DYRK2: variants seen among roughly 807,000 people sequenced by gnomAD.
The protein encoded by DYRK2 is dual specificity tyrosine-phosphorylation-regulated kinase 2.
In DYRK2, 12 loss-of-function variants were observed where a neutral mutation model predicts 41.6. That is an observed-to-expected ratio of 0.29 (90% CI 0.18 to 0.47). The LOEUF (loss-of-function observed/expected upper bound fraction) is 0.47. Ranked by LOEUF, DYRK2 falls within the 20% of genes least tolerant of loss-of-function variation. The pLI is 1.00. For synonymous variants in DYRK2, 322 were observed against 315.7 expected (o/e 1.02, Z -0.21); for missense variants, 678 against 798.4 (o/e 0.85, Z 1.82).
chr12:67,649,208 C>A (rs1271043322), intron 1 of DYRK2, 26 bp downstream of exon 1: 1 of 1,477,064 alleles, frequency 6.8e-7, no homozygotes. Context: ...CGCCGCGCCG[C>A]ATCCCCGGAC....
At chr12:67,655,558 A>G (rs1872443852) in intron 2 of DYRK2, among the ~76,000 whole-genome samples, 1 of 152,206 alleles carries the variant, frequency 6.6e-6, no homozygotes, top group Non-Finnish European at 1.5e-5. Flanking sequence ...ATGGAGTATC[A>G]TCTATGAGTG....
rs1168326064 is a variant in DYRK2, at chr12:67,664,807, A to T, written c.*6094A>T. On this transcript the variant is annotated 3_prime_UTR_variant, in exon 3 of 3. Coordinates refer to ENST00000344096, the MANE Select transcript of DYRK2 (RefSeq NM_006482.3). ...TCGTAGTGTCTAAGTGCACCTAATA[A>T]CTTAATGCATGTGCACACACCCTCA... 2 of 152,174 alleles carry T rather than the reference A, an allele frequency of 1.3e-5. No individual in the cohort carries two copies. The highest frequency in any genetic ancestry group is 2.9e-5 in the Non-Finnish European group (2 of 68,014). The allele number at this position is 152,174 out of a possible 1,614,324, so 9.4% of individuals were successfully genotyped here. A position where few individuals can be genotyped will look rare whatever the true frequency, so the allele number is the denominator to read the frequency against.
rs1872564195 is a variant in DYRK2, at chr12:67,659,220, T to A, written c.*507T>A. ...GGGAGGAGAACGGTCAGAATCAAAG[T>A]GACATTCTAAGAAAAACTGTACCTT... is the stretch of plus-strand genomic sequence containing the variant. On this transcript the variant is annotated 3_prime_UTR_variant, in exon 3 of 3. Coordinates refer to ENST00000344096, the MANE Select transcript of DYRK2 (RefSeq NM_006482.3). The A allele has an allele frequency of 6.0e-6, 1 of 167,208 alleles. No individual in the cohort carries two copies. The highest frequency in any genetic ancestry group is 2.4e-5 in the African/African-American group (1 of 41,454). 10.4% of individuals were successfully genotyped at this position (167,208 alleles called of 1,614,324 possible).
intron 2 of DYRK2, 115 bp from the exon 3 acceptor site, chr12:67,656,991 C>T (rs1159510585): frequency 2.6e-6 from 3 of 1,167,498 alleles, no homozygotes; most frequent in African/African-American, 3.2e-5. Flanking sequence ...TTACTCAAAC[C>T]AAATGGGATT....
chr12:67,657,229 C>G lies in DYRK2; in HGVS notation c.322C>G (p.Pro108Ala). Residue 108 changes from proline to alanine, a missense_variant, in exon 3 of 3, where the codon CCA becomes GCA. This residue lies in a region of DYRK2 where 285 missense variants were observed against 279.2 expected (regional missense o/e 1.02). Transcript: ENST00000344096. This position sits in a 1 kb window ranked among gnomAD's most constrained non-coding sequence, Gnocchi z 4.8. ...CAAGCGGACAGTGCTCACGACACAA[C>G]CAAATGGGCTTACAACAGTGGGCAA... ...SNKRTVLTTQPNGLTTVGKTG... is the reference protein window; with the variant it reads ...SNKRTVLTTQANGLTTVGKTG... 1 of 1,614,126 alleles carries G rather than the reference C, an allele frequency of 6.2e-7. No individual in the cohort carries two copies. Among genetic ancestry groups the G allele is most frequent in the Non-Finnish European group, 8.5e-7 (1 of 1,180,028 alleles).
intron 2 of DYRK2, among the ~76,000 whole-genome samples, chr12:67,653,461 G>A (rs3782395): frequency 0.29 from 44,505 of 151,778 alleles, 7,343 homozygotes; most frequent in Admixed American, 0.35. Flanking sequence ...AAGCTTTTAA[G>A]ATTGCATGTG....
chr12:67,655,233 CT>C (rs1482299496), intron 2 of DYRK2, among the ~76,000 whole-genome samples: 1 of 152,128 alleles, frequency 6.6e-6, no homozygotes, highest in African/African-American at 2.4e-5. Context: ...GAGCTTTATG[CT>C]TTTTATAGCA....
intron 2 of DYRK2, among the ~76,000 whole-genome samples, chr12:67,654,206 T>C (rs1378109456): frequency 1.3e-5 from 2 of 151,746 alleles, no homozygotes; most frequent in Non-Finnish European, 2.9e-5. Flanking sequence ...AGCAGAGGAG[T>C]GTAAAAGTGT....
In DYRK2 at chr12:67,657,091, C is replaced by T. The variant is rs765786973; in HGVS notation, c.199-15C>T. 2.0e-6 allele frequency: 3 copies of T among 1,532,990 alleles called. No individual in the cohort carries two copies. Among genetic ancestry groups the T allele is most frequent in the South Asian group, 2.6e-5 (2 of 77,156 alleles). 95.0% of individuals were successfully genotyped at this position (1,532,990 alleles called of 1,614,324 possible). A position where few individuals can be genotyped will look rare whatever the true frequency, so the allele number is the denominator to read the frequency against. On this transcript the variant is annotated splice_polypyrimidine_tract_variant and intron_variant, in intron 2 of 2. Transcript: ENST00000344096. The surrounding 1 kb of genome is among the most constrained non-coding windows in gnomAD (Gnocchi z 4.8). ...ACCACTTCTTTTCTATTTATATTTCCTGTCTGAATTCCAGATTGGCGGCAG... is the reference window on the plus strand; with the variant it reads ...ACCACTTCTTTTCTATTTATATTTCTTGTCTGAATTCCAGATTGGCGGCAG...
chr12:67,663,783 G>A lies in DYRK2; in HGVS notation c.*5070G>A, dbSNP rs897402054. On this transcript the variant is annotated 3_prime_UTR_variant, in exon 3 of 3. Transcript: ENST00000344096. ...TCCTTTTATCAGATCTTTCAAAAGC[G>A]CTTTTTAAAATTGATCAATGTGCAA... The A allele has an allele frequency of 3.9e-5, 6 of 152,212 alleles. No homozygotes were observed. Among genetic ancestry groups the A allele is most frequent in the Admixed American group, 2.0e-4 (3 of 15,290 alleles). 9.4% of individuals were successfully genotyped at this position (152,212 alleles called of 1,614,324 possible).
In DYRK2 at chr12:67,658,743, A is replaced by G; in HGVS notation, c.*30A>G. 6.4e-7 allele frequency: 1 copy of G among 1,568,530 alleles called. No individual in the cohort carries two copies. The highest frequency in any genetic ancestry group is 1.8e-5 in the Admixed American group (1 of 54,828). ...ACGTCCCCTGATGCTGGTAACCTGA[A>G]AGATACGACATTGCTGAGCCTTACT... On this transcript the variant is annotated 3_prime_UTR_variant, in exon 3 of 3. Coordinates refer to ENST00000344096, the MANE Select transcript of DYRK2 (RefSeq NM_006482.3). The surrounding 1 kb of genome is among the most constrained non-coding windows in gnomAD (Gnocchi z 4.3).
Position 67,660,415 on chromosome 12 carries a change from G to A in DYRK2, c.*1702G>A, listed in dbSNP as rs898253030. On this transcript the variant is annotated 3_prime_UTR_variant, in exon 3 of 3. Transcript: ENST00000344096. ...TTAATTTAGGCTTCGTTGGTTGATGGTGGAAAAAAATGCTCAGGAAATATT... is the reference window on the plus strand; with the variant it reads ...TTAATTTAGGCTTCGTTGGTTGATGATGGAAAAAAATGCTCAGGAAATATT... 6.0e-6 allele frequency: 1 copy of A among 166,708 alleles called. No homozygotes were observed. Among genetic ancestry groups the A allele is most frequent in the African/African-American group, 2.4e-5 (1 of 41,356 alleles). 10.3% of individuals were successfully genotyped at this position (166,708 alleles called of 1,614,324 possible). A position where few individuals can be genotyped will look rare whatever the true frequency, so the allele number is the denominator to read the frequency against.
chr12:67,649,929 C>T lies in DYRK2; in HGVS notation c.182C>T (p.Ala61Val). ...CCGCCTCTCCGGGCCAGCAACGCTG[C>T]CGCCGCAGCCCACACGGTGAGACCC... is the stretch of plus-strand genomic sequence containing the variant. ...ALPPLRASNA[A>V]AAAHTIGGSK... The change falls in exon 2 of 3, where the codon GCC becomes GTC. Residue 61 changes from alanine (A) to valine (V), a missense_variant. By Grantham distance (64) the Ala-to-Val change is moderately conservative. This residue lies in a region of DYRK2 where 285 missense variants were observed against 279.2 expected (regional missense o/e 1.02). Transcript: ENST00000344096. The T allele has an allele frequency of 7.3e-7, 1 of 1,375,340 alleles. No individual in the cohort carries two copies. Among genetic ancestry groups the T allele is most frequent in the African/African-American group, 1.5e-5 (1 of 65,668 alleles). The allele number at this position is 1,375,340 out of a possible 1,614,324, so 85.2% of individuals were successfully genotyped here. A position where few individuals can be genotyped will look rare whatever the true frequency, so the allele number is the denominator to read the frequency against.
At chr12:67,649,328 G>C in intron 1 of DYRK2, 146 bp downstream of exon 1, 1 of 563,160 alleles carries the variant, frequency 1.8e-6, no homozygotes, top group Non-Finnish European at 2.5e-6. Flanking sequence ...GACGCGCCCC[G>C]GGCTCCATGC....
Position 67,662,157 on chromosome 12 carries a change from T to C in DYRK2, c.*3444T>C, listed in dbSNP as rs1872641040. ...TTTTTTTCATCAAAAATATTTCTGG[T>C]AAGCAGAAGACTTTTTAAAAAAACT... is the stretch of plus-strand genomic sequence containing the variant. On this transcript the variant is annotated 3_prime_UTR_variant, in exon 3 of 3. Transcript: ENST00000344096. 6.0e-6 allele frequency: 1 copy of C among 166,822 alleles called. No homozygotes were observed. The highest frequency in any genetic ancestry group is 2.4e-5 in the African/African-American group (1 of 41,430). 10.3% of individuals were successfully genotyped at this position (166,822 alleles called of 1,614,324 possible).
At chr12:67,656,970 T>C (rs1271302861) in intron 2 of DYRK2, 136 bp from the exon 3 acceptor site, 1 of 893,174 alleles carries the variant, frequency 1.1e-6, no homozygotes, top group South Asian at 2.3e-5. Flanking sequence ...GGATCACATG[T>C]TTTGTGGCTT....
At position 67,659,278 on chromosome 12, in the gene DYRK2, A is replaced by G. The variant is rs1168128233; in HGVS notation, c.*565A>G. The stretch of plus-strand genomic sequence containing the variant: ...TTCCTCTAGTGCTCAAACAAATACA[A>G]AATAAGATCCCCAAGGTTTAAACTG... On this transcript the variant is annotated 3_prime_UTR_variant, in exon 3 of 3. Coordinates refer to ENST00000344096, the MANE Select transcript of DYRK2 (RefSeq NM_006482.3). 4 of 167,068 alleles carry G rather than the reference A, an allele frequency of 2.4e-5. No homozygotes were observed. Among genetic ancestry groups the G allele is most frequent in the Non-Finnish European group, 5.9e-5 (4 of 68,128 alleles). 10.3% of individuals were successfully genotyped at this position (167,068 alleles called of 1,614,324 possible).
Position 67,655,847 on chromosome 12 carries a change from G to C in DYRK2, c.199-1259G>C, listed in dbSNP as rs139566247. ...TGTGTTACATATACAGAGCCCTTCT[G>C]CTCTTTCAGTAGTATGTAAAGCCCC... On this transcript the variant is annotated intron_variant, in intron 2 of 2. Coordinates refer to ENST00000344096, the MANE Select transcript of DYRK2 (RefSeq NM_006482.3). 1.5e-4 allele frequency among the ~76,000 whole-genome samples: 23 copies of C among 152,276 alleles called. 1 individual carries two copies. The highest frequency in any genetic ancestry group is 2.6e-4 in the Admixed American group (4 of 15,294).
At chr12:67,654,003 A>G (rs1365836944) in intron 2 of DYRK2, among the ~76,000 whole-genome samples, 1 of 152,238 alleles carries the variant, frequency 6.6e-6, no homozygotes, top group African/African-American at 2.4e-5. Flanking sequence ...CACTTTACAC[A>G]TATTACCTTA....
Sources: gnomAD v4.1 joint callset for allele counts (sites outside exome capture counted in the v4.1 genomes callset) on GRCh38, gnomAD v4.1.1 for gene constraint, gnomAD v4.1.1 regional missense constraint, Gnocchi (gnomAD v3.1) non-coding constraint, MANE v1.5 for transcripts, NCBI Gene and HGNC (gene_info 2026-07-23, HGNC 2026-07-21) for gene names.